Variants in ONECUT2 observed in about 807,000 individuals in gnomAD.
ONECUT2 encodes the protein one cut domain family member 2.
ONECUT2 carries 10 observed loss-of-function variants against 27.9 expected under a neutral mutation model. The observed-to-expected ratio is 0.36, with a 90% CI of 0.22 to 0.61. The LOEUF is 0.61. Ranked by LOEUF, ONECUT2 falls within the 20% of genes least tolerant of loss-of-function variation. The probability of loss-of-function intolerance (pLI) is 0.73; values close to 1 mark genes in which losing one functional copy is unlikely to be tolerated. For missense variants in ONECUT2, 686 were observed against 721.0 expected, an observed-to-expected ratio of 0.95 and a Z score of 0.56; for synonymous variants, 334 against 315.1, an observed-to-expected ratio of 1.06 and a Z score of -0.64.
intron 1 of ONECUT2, among the ~76,000 whole-genome samples, chr18:57,475,056 ATTTT>A (rs33961491): frequency 1.6e-5 from 2 of 125,546 alleles, no homozygotes; most frequent in South Asian, 2.6e-4. Context: ...ATTTCAAGTG[ATTTT>A]TTTTTTTTTT....
intron 1 of ONECUT2, among the ~76,000 whole-genome samples, chr18:57,452,164 C>T (rs934367893): frequency 1.3e-5 from 2 of 152,140 alleles, no homozygotes; most frequent in Non-Finnish European, 2.9e-5. Context: ...CCCACCTGGA[C>T]AGGAACCACG....
At position 57,435,379 on chromosome 18, in the gene ONECUT2, C is replaced by A. The variant is rs2050131517; in HGVS notation, c.-338C>A. On this transcript the variant is annotated 5_prime_UTR_variant, in exon 1 of 2. Transcript: ENST00000491143. Reference sequence around the variant, plus strand: ...TGGCTGCCCCGGCGAGCGGCAGAGCCCTTCTGGACAGCTCCCGCTCACCCA... The same window carrying A: ...TGGCTGCCCCGGCGAGCGGCAGAGCACTTCTGGACAGCTCCCGCTCACCCA... Among the ~76,000 whole-genome samples the A allele has an allele frequency of 6.6e-6, 1 of 151,902 alleles. No individual in the cohort carries two copies. Among genetic ancestry groups the A allele is most frequent in the African/African-American group, 2.4e-5 (1 of 41,396 alleles).
chr18:57,446,425 G>C lies in ONECUT2; in HGVS notation c.1228+9481G>C, dbSNP rs142507712. On this transcript the variant is annotated intron_variant, in intron 1 of 1. Coordinates refer to ENST00000491143, the MANE Select transcript of ONECUT2 (RefSeq NM_004852.3). ...TTCTGATAAGTGCTTGGATCAAGGG[G>C]AAGACAGACCTCCAAACATGGCTGG... Among the ~76,000 whole-genome samples the C allele has an allele frequency of 3.1e-3, 479 of 152,308 alleles. 4 individuals carry two copies. Among genetic ancestry groups the C allele is most frequent in the African/African-American group, 0.01 (429 of 41,558 alleles).
At chr18:57,446,240 A>C (rs1178827412) in intron 1 of ONECUT2, among the ~76,000 whole-genome samples, 3 of 152,228 alleles carry the variant, frequency 2.0e-5, no homozygotes, top group Non-Finnish European at 4.4e-5. Flanking sequence ...CAACTGCTGA[A>C]TCATGTTTTG....
rs555131007 is a variant in ONECUT2 at position 57,444,772 on chromosome 18, G to A, written c.1228+7828G>A. ...GGAAACCACATAGTTAAAGACCCTC[G>A]TTCAATAGATTTACCCTTCGTGCTT... On this transcript the variant is annotated intron_variant, in intron 1 of 1. Transcript: ENST00000491143. Among the ~76,000 whole-genome samples the A allele has an allele frequency of 2.6e-3, 388 of 152,140 alleles. 4 individuals carry two copies. The highest frequency in any genetic ancestry group is 8.5e-3 in the African/African-American group (351 of 41,488).
At position 57,435,778 on chromosome 18, in the gene ONECUT2, A is replaced by G; in HGVS notation, c.62A>G (p.Asn21Ser). ...LTKDLEGCAM[N>S]PELTMESLGT... ...AAAGACCTAGAAGGCTGCGCCATGA[A>G]CCCGGAGCTGACAATGGAAAGTCTG... The change falls in exon 1 of 2, where the codon AAC (asparagine) becomes AGC (serine). Residue 21 changes from asparagine to serine, a missense_variant. By Grantham distance (46) the Asn-to-Ser change is conservative (BLOSUM62 1). Around this residue, in one of 4 missense-constraint regions of ONECUT2, gnomAD observed 511 missense variants for 488.1 expected, o/e 1.05. Transcript: ENST00000491143. The G allele has an allele frequency of 8.0e-7, 1 of 1,255,864 alleles. No individual in the cohort carries two copies. The allele number at this position is 1,255,864 out of a possible 1,614,324, so 77.8% of individuals were successfully genotyped here.
At chr18:57,438,111 G>A (rs1188583413) in intron 1 of ONECUT2, among the ~76,000 whole-genome samples, 1 of 152,236 alleles carries the variant, frequency 6.6e-6, no homozygotes, top group Non-Finnish European at 1.5e-5. Context: ...CGAGCTAGAG[G>A]GAAAGATGCA....
chr18:57,438,399 C>T (rs903702207), intron 1 of ONECUT2, among the ~76,000 whole-genome samples: 11 of 152,190 alleles, frequency 7.2e-5, no homozygotes, highest in Non-Finnish European at 1.5e-5. Flanking sequence ...TTGGGATGCG[C>T]GCGGTTCCGA....
At chr18:57,471,334 A>T (rs1034772988) in intron 1 of ONECUT2, among the ~76,000 whole-genome samples, 1 of 152,174 alleles carries the variant, frequency 6.6e-6, no homozygotes, top group Non-Finnish European at 1.5e-5. Flanking sequence ...CCTGGCCCAC[A>T]TGGAGTTGGG....
At chr18:57,452,089 G>A (rs138990100) in intron 1 of ONECUT2, among the ~76,000 whole-genome samples, 12 of 152,244 alleles carry the variant, frequency 7.9e-5, no homozygotes, top group Non-Finnish European at 1.3e-4. Flanking sequence ...ATAGTATAGG[G>A]CTAATTTTGG....
chr18:57,482,681 G>C lies in ONECUT2; in HGVS notation c.*5958G>C, dbSNP rs562793730. On this transcript the variant is annotated 3_prime_UTR_variant, in exon 2 of 2. Transcript: ENST00000491143. The stretch of plus-strand genomic sequence containing the variant: ...GTCCGCTTGGATGTATACAAATTTA[G>C]ATACATATTTTAACATGTGTTCTCA... The C allele has an allele frequency of 6.6e-6, 1 of 152,230 alleles. No individual in the cohort carries two copies. Among genetic ancestry groups the C allele is most frequent in the East Asian group, 1.9e-4 (1 of 5,184 alleles). The allele number at this position is 152,230 out of a possible 1,614,324, so 9.4% of individuals were successfully genotyped here. A position where few individuals can be genotyped will look rare whatever the true frequency, so the allele number is the denominator to read the frequency against.
intron 1 of ONECUT2, among the ~76,000 whole-genome samples, chr18:57,463,838 T>C (rs991673504): frequency 2.0e-5 from 3 of 152,208 alleles, no homozygotes; most frequent in African/African-American, 7.2e-5. Context: ...ATACTAATTC[T>C]AACAGTTCAT....
intron 1 of ONECUT2, among the ~76,000 whole-genome samples, chr18:57,443,847 T>C (rs954085814): frequency 6.6e-6 from 1 of 152,210 alleles, no homozygotes; most frequent in Non-Finnish European, 1.5e-5. Context: ...AGGGAGGCTC[T>C]GCATTCCACC....
chr18:57,442,243 G>GTTTTTTTTTTTTTT (rs1568118321), intron 1 of ONECUT2, among the ~76,000 whole-genome samples: 1 of 127,504 alleles, frequency 7.8e-6, no homozygotes. Flanking sequence ...AATTCTTCTG[G>GTTTTTTTTTTTTTT]GTTTTTTTTT....
At chr18:57,466,380 C>A (rs907963115) in intron 1 of ONECUT2, among the ~76,000 whole-genome samples, 1 of 152,202 alleles carries the variant, frequency 6.6e-6, no homozygotes, top group Non-Finnish European at 1.5e-5. Context: ...TTTTGGTGTG[C>A]TAAGTTTTGT....
chr18:57,443,854 C>T (rs1220428389), intron 1 of ONECUT2, among the ~76,000 whole-genome samples: 2 of 152,186 alleles, frequency 1.3e-5, no homozygotes, highest in African/African-American at 4.8e-5. Flanking sequence ...CTCTGCATTC[C>T]ACCTCGGCAC....
At chr18:57,456,512 A>G (rs2050260388) in intron 1 of ONECUT2, among the ~76,000 whole-genome samples, 1 of 152,236 alleles carries the variant, frequency 6.6e-6, no homozygotes, top group Admixed American at 6.5e-5. Flanking sequence ...ATACTATATG[A>G]TTTCACTTAT....
intron 1 of ONECUT2, among the ~76,000 whole-genome samples, chr18:57,474,407 G>A (rs1381016503): frequency 2.0e-5 from 3 of 152,136 alleles, no homozygotes; most frequent in Non-Finnish European, 4.4e-5. Flanking sequence ...ACAAAATACC[G>A]TGACTTAGTG....
intron 1 of ONECUT2, among the ~76,000 whole-genome samples, chr18:57,459,436 A>G (rs1399196589): frequency 6.6e-6 from 1 of 152,254 alleles, no homozygotes; most frequent in Non-Finnish European, 1.5e-5. Context: ...TATATAAAGC[A>G]AACATTAATA....
Sources: gnomAD v4.1 joint callset for allele counts (sites outside exome capture counted in the v4.1 genomes callset) on GRCh38, gnomAD v4.1.1 for gene constraint, gnomAD v4.1.1 regional missense constraint, MANE v1.5 for transcripts, NCBI Gene and HGNC (gene_info 2026-07-23, HGNC 2026-07-21) for gene names.